The following PTPRK variants were observed in gnomAD, a reference collection of about 807,000 sequenced individuals.
The protein encoded by PTPRK is receptor-type tyrosine-protein phosphatase kappa.
PTPRK carries 75 observed loss-of-function variants against 178.0 expected under a neutral mutation model. The observed-to-expected ratio is 0.42, with a 90% CI of 0.35 to 0.51. The LOEUF is 0.51. Ranked by LOEUF, PTPRK falls within the 20% of genes least tolerant of loss-of-function variation. The pLI, the probability that PTPRK is intolerant of heterozygous loss-of-function variation, is 0.02. For missense variants in PTPRK, 1,441 were observed against 1,797.8 expected, an observed-to-expected ratio of 0.80 and a Z score of 3.59; for synonymous variants, 637 against 620.6, an observed-to-expected ratio of 1.03 and a Z score of -0.39.
intron 3 of PTPRK, among the ~76,000 whole-genome samples, chr6:128,308,546 T>C (rs1826784519): frequency 1.3e-5 from 2 of 152,022 alleles, no homozygotes; most frequent in African/African-American, 4.8e-5. Context: ...GTATAGGCTT[T>C]TATATCTAAG....
At chr6:128,177,359 GA>G (rs1211157169) in intron 7 of PTPRK, among the ~76,000 whole-genome samples, 1 of 151,714 alleles carries the variant, frequency 6.6e-6, no homozygotes, top group Non-Finnish European at 1.5e-5. Context: ...AACATTTCAT[GA>G]GACTGATGCT....
chr6:128,166,978 C>A (rs1487214933), intron 7 of PTPRK, among the ~76,000 whole-genome samples: 3 of 151,602 alleles, frequency 2.0e-5, no homozygotes, highest in Non-Finnish European at 4.4e-5. Flanking sequence ...TCAATATCAT[C>A]TGGAAAGTAC....
In PTPRK at chr6:127,998,799, G is replaced by A. The variant is rs754164127; in HGVS notation, c.2600C>T (p.Ala867Val). Residue 867 changes from alanine to valine, a missense_variant, in exon 16 of 30, where the codon GCC becomes GTC. This residue lies in a region of PTPRK where 945 missense variants were observed against 1,080.6 expected (regional missense o/e 0.87). Coordinates refer to ENST00000368226, the MANE Select transcript of PTPRK (RefSeq NM_002844.4). ...CTGCAGTAAATCAGCTACCCTGATG[G>A]CTGGATGCAGCTGTCCTGTCTGGTA... The part of the protein sequence containing the change: ...SPYQTGQLHP[A>V]IRVADLLQHI... The A allele has an allele frequency of 4.3e-6, 7 of 1,610,548 alleles. No homozygotes were observed. The East Asian group carries it at 1.1e-4, about 26-fold the overall frequency.
At chr6:128,386,199 A>G (rs1838694333) in intron 2 of PTPRK, among the ~76,000 whole-genome samples, 1 of 152,188 alleles carries the variant, frequency 6.6e-6, no homozygotes, top group Non-Finnish European at 1.5e-5. Flanking sequence ...ATGGCAGATA[A>G]CTGGATAAAT....
At chr6:128,006,034 G>T in intron 14 of PTPRK, 1 of 1,569,372 alleles carries the variant, frequency 6.4e-7, no homozygotes, top group East Asian at 2.3e-5. Context: ...ACAGGTAGTA[G>T]GAGTAAGAAT....
At chr6:128,263,584 C>A (rs779420087) in intron 3 of PTPRK, among the ~76,000 whole-genome samples, 2 of 152,098 alleles carry the variant, frequency 1.3e-5, no homozygotes, top group African/African-American at 2.4e-5. Context: ...TAACAAAATG[C>A]AGCAAAATAA....
At chr6:128,308,931 G>A (rs1236245988) in intron 3 of PTPRK, among the ~76,000 whole-genome samples, 1 of 152,108 alleles carries the variant, frequency 6.6e-6, no homozygotes, top group Non-Finnish European at 1.5e-5. Context: ...TAGGCCTGGA[G>A]AAAAGAATCA....
chr6:128,183,689 GTAAAT>G (rs2114694356), intron 7 of PTPRK, among the ~76,000 whole-genome samples: 1 of 152,224 alleles, frequency 6.6e-6, no homozygotes, highest in East Asian at 1.9e-4. Flanking sequence ...ATGTAGTCAA[GTAAAT>G]TAGATATTTA....
At chr6:128,017,785 T>C (rs1779753989) in intron 13 of PTPRK, among the ~76,000 whole-genome samples, 1 of 107,340 alleles carries the variant, frequency 9.3e-6, no homozygotes, top group Admixed American at 1.3e-4. Context: ...TATACATATA[T>C]AAATAAATAT....
intron 15 of PTPRK, 47 bp from the exon 16 acceptor site, chr6:127,998,951 CTTGT>C: frequency 6.9e-7 from 1 of 1,440,324 alleles, no homozygotes; most frequent in African/African-American, 1.4e-5. Context: ...ACAAAGTTAT[CTTGT>C]TTAATATATG....
intron 3 of PTPRK, among the ~76,000 whole-genome samples, chr6:128,259,914 C>T (rs1395501357): frequency 6.6e-6 from 1 of 152,102 alleles, no homozygotes; most frequent in African/African-American, 2.4e-5. Flanking sequence ...CAGTCCATAA[C>T]ATATGTAAAG....
chr6:128,230,472 GAC>G (rs1258228489), intron 5 of PTPRK, among the ~76,000 whole-genome samples: 4 of 152,180 alleles, frequency 2.6e-5, no homozygotes, highest in African/African-American at 9.7e-5. Flanking sequence ...AGAGCACATG[GAC>G]GGCACCTCTG....
chr6:128,304,774 A>C (rs1826129222), intron 3 of PTPRK, among the ~76,000 whole-genome samples: 1 of 152,220 alleles, frequency 6.6e-6, no homozygotes, highest in Admixed American at 6.6e-5. Flanking sequence ...TTTCACATAC[A>C]ATCAGCACAT....
chr6:127,973,284 G>T, intron 28 of PTPRK, 127 bp from the exon 29 acceptor site: 1 of 1,464,332 alleles, frequency 6.8e-7, no homozygotes, highest in Non-Finnish European at 9.2e-7. Flanking sequence ...TCTTAATTTT[G>T]CTTTATATGT....
intron 2 of PTPRK, among the ~76,000 whole-genome samples, chr6:128,354,229 A>ATTTTTTT (rs1201996929): frequency 3.1e-3 from 86 of 27,680 alleles, no homozygotes; most frequent in Admixed American, 7.4e-3. Flanking sequence ...TTTTTTGTTT[A>ATTTTTTT]TGTTTTTTTT....
chr6:128,150,993 T>A (rs1009580621), intron 7 of PTPRK, among the ~76,000 whole-genome samples: 3 of 152,130 alleles, frequency 2.0e-5, no homozygotes. Flanking sequence ...TAGCATATCA[T>A]GTTACAAGGG....
At chr6:128,354,383 A>G (rs1442532580) in intron 2 of PTPRK, among the ~76,000 whole-genome samples, 1 of 151,418 alleles carries the variant, frequency 6.6e-6, no homozygotes, top group Non-Finnish European at 1.5e-5. Context: ...GACTACAGGC[A>G]TCCACCACCG....
In PTPRK at chr6:128,177,162, T is replaced by G. The variant is rs145287274; in HGVS notation, c.1162+7270A>C. Among the ~76,000 whole-genome samples the G allele has an allele frequency of 2.6e-4, 39 of 151,930 alleles. 1 individual carries two copies. In the East Asian group the frequency reaches 2.9e-3, roughly 11 times the overall value. ...AGGCTAGATCTCTTGAACCTGTCTT[T>G]GTGACTAACACATCCCTTAGAGTTT... On this transcript the variant is annotated intron_variant, in intron 7 of 29. Coordinates refer to ENST00000368226, the MANE Select transcript of PTPRK (RefSeq NM_002844.4).
At chr6:128,085,076 C>G (rs73584658) in intron 8 of PTPRK, 1 of 152,032 alleles carries the variant, frequency 6.6e-6, no homozygotes, top group Admixed American at 6.6e-5. Context: ...TTTCAATCTA[C>G]AAGGAGACTA....
Sources: allele counts gnomAD v4.1 joint callset (sites outside exome capture counted in the v4.1 genomes callset), GRCh38; gene constraint gnomAD v4.1.1; regional missense constraint gnomAD v4.1.1; transcripts MANE v1.5; gene names NCBI Gene and HGNC (gene_info 2026-07-23, HGNC 2026-07-21).